Variants in DCDC2 observed in about 807,000 individuals in gnomAD.
DCDC2 encodes the protein doublecortin domain-containing protein 2.
Under a neutral mutation model 50.2 loss-of-function variants are expected in DCDC2, and 40 were observed. The ratio of observed to expected loss-of-function variants is 0.80; its 90% confidence interval spans 0.62 to 1.04. DCDC2 has a LOEUF of 1.04. Ranked by LOEUF, DCDC2 falls within the 50% of genes least tolerant of loss-of-function variation. DCDC2 has a pLI of 0.00. For missense variants in DCDC2, 570 were observed against 581.9 expected, an observed-to-expected ratio of 0.98 and a Z score of 0.21; for synonymous variants, 234 against 210.6, an observed-to-expected ratio of 1.11 and a Z score of -0.96.
At chr6:24,185,355 C>A (rs1228698480) in intron 8 of DCDC2, among the ~76,000 whole-genome samples, 1 of 152,190 alleles carries the variant, frequency 6.6e-6, no homozygotes, top group Non-Finnish European at 1.5e-5. Flanking sequence ...GAAGCCACAT[C>A]TGGTTAGTTC....
chr6:24,261,666 C>G (rs755003530), intron 7 of DCDC2, among the ~76,000 whole-genome samples: 5 of 152,078 alleles, frequency 3.3e-5, no homozygotes, highest in Non-Finnish European at 5.9e-5. Flanking sequence ...TCCTTATTGA[C>G]TTTTCTCATC....
intron 9 of DCDC2, among the ~76,000 whole-genome samples, chr6:24,178,040 G>T (rs1442698642): frequency 6.6e-6 from 1 of 152,098 alleles, no homozygotes; most frequent in Non-Finnish European, 1.5e-5. Flanking sequence ...TTCTTAGAAG[G>T]CTCTGTACAT....
chr6:24,284,209 C>A (rs187178899), intron 6 of DCDC2, among the ~76,000 whole-genome samples: 1 of 152,284 alleles, frequency 6.6e-6, no homozygotes, highest in East Asian at 1.9e-4. Flanking sequence ...GGCCACCTAG[C>A]GGACTCACCT....
rs192341566 is a variant in DCDC2, at chr6:24,174,385, T to A, written c.*345A>T. On this transcript the variant is annotated 3_prime_UTR_variant, in exon 10 of 10. Coordinates refer to ENST00000378454, the MANE Select transcript of DCDC2 (RefSeq NM_016356.5). Reference sequence around the variant, plus strand: ...CTACGCCTTCCTAGAGAAAAATTATTTAGAATAAACTGCCTTCTAAACTTA... The same window carrying A: ...CTACGCCTTCCTAGAGAAAAATTATATAGAATAAACTGCCTTCTAAACTTA... 6.2e-6 allele frequency: 1 copy of A among 160,448 alleles called. No individual in the cohort carries two copies. Among genetic ancestry groups the A allele is most frequent in the Admixed American group, 6.4e-5 (1 of 15,636 alleles). 9.9% of individuals were successfully genotyped at this position (160,448 alleles called of 1,614,324 possible). A position where few individuals can be genotyped will look rare whatever the true frequency, so the allele number is the denominator to read the frequency against.
At chr6:24,371,876 T>C in the DCDC2 span, among the ~76,000 whole-genome samples, 12 of 152,114 alleles carry the variant, frequency 7.9e-5, no homozygotes, top group African/African-American at 2.9e-4. Context: ...GAAAAAATGC[T>C]CATCATCACT....
intron 2 of DCDC2, among the ~76,000 whole-genome samples, chr6:24,318,175 A>C (rs1050819986): frequency 1.3e-5 from 2 of 148,412 alleles, no homozygotes; most frequent in East Asian, 3.8e-4. Flanking sequence ...ACCTCCAACA[A>C]ATGAGACAAA....
chr6:24,227,610 C>T (rs1762257648), intron 7 of DCDC2, among the ~76,000 whole-genome samples: 1 of 152,178 alleles, frequency 6.6e-6, no homozygotes, highest in Non-Finnish European at 1.5e-5. Flanking sequence ...GTGTTCCCTG[C>T]TCCTAGAAAT....
In DCDC2 at chr6:24,302,014, C is replaced by T. The variant is rs1157188557; in HGVS notation, c.379G>A (p.Val127Met). The T allele has an allele frequency of 1.2e-6, 2 of 1,613,922 alleles. No individual in the cohort carries two copies. The highest frequency in any genetic ancestry group is 2.2e-5 in the South Asian group (2 of 91,068). Residue 127 changes from valine to methionine, a missense_variant, in exon 3 of 10, where the codon GTG (valine) becomes ATG (methionine). By Grantham distance (21) the Val-to-Met change is conservative. Coordinates refer to ENST00000378454, the MANE Select transcript of DCDC2 (RefSeq NM_016356.5). ...VKPVIHSRIN[V>M]SARFRKPLQE... ...AGCGGTTTTCTAAAGCGAGCTGACA[C>T]GTTGATCCTGCTATGGATTACTGGT...
At chr6:24,274,332 C>T (rs1052935187) in intron 7 of DCDC2, among the ~76,000 whole-genome samples, 6 of 152,030 alleles carry the variant, frequency 3.9e-5, no homozygotes, top group Admixed American at 3.3e-4. Flanking sequence ...CTGTTTTGGT[C>T]ATAGTGGAGA....
At chr6:24,220,911 T>TGAGCGAGC (rs1184828335) in intron 7 of DCDC2, among the ~76,000 whole-genome samples, 1 of 125,402 alleles carries the variant, frequency 8.0e-6, no homozygotes, top group East Asian at 2.5e-4. Flanking sequence ...AGCGAGAGAG[T>TGAGCGAGC]GAGCGAGCGA....
upstream of DCDC2, among the ~76,000 whole-genome samples, chr6:24,361,009 C>A (rs932469865): frequency 6.6e-6 from 1 of 152,134 alleles, no homozygotes; most frequent in Non-Finnish European, 1.5e-5. Context: ...ATTCCACAAG[C>A]TCCATAACCA....
At chr6:24,300,718 A>T (rs1423253864) in intron 4 of DCDC2, among the ~76,000 whole-genome samples, 1 of 152,238 alleles carries the variant, frequency 6.6e-6, no homozygotes, top group Non-Finnish European at 1.5e-5. Context: ...CAAACACTTG[A>T]AACAGTGTAC....
intron 9 of DCDC2, among the ~76,000 whole-genome samples, chr6:24,177,761 A>G (rs1760956581): frequency 6.6e-6 from 1 of 152,160 alleles, no homozygotes; most frequent in Non-Finnish European, 1.5e-5. Context: ...TTCACCACAT[A>G]TTTCTTTATC....
At chr6:24,236,043 A>T (rs1354012184) in intron 7 of DCDC2, among the ~76,000 whole-genome samples, 4 of 152,192 alleles carry the variant, frequency 2.6e-5, no homozygotes, top group Non-Finnish European at 5.9e-5. Flanking sequence ...TTTAGACTCA[A>T]TGCCATTTCT....
chr6:24,180,354 T>G (rs1006748870), intron 8 of DCDC2, among the ~76,000 whole-genome samples: 6 of 152,018 alleles, frequency 3.9e-5, no homozygotes, highest in Non-Finnish European at 7.4e-5. Flanking sequence ...GTGCGATCTC[T>G]GCTCACTGCA....
chr6:24,344,985 A>G lies in DCDC2; in HGVS notation c.348+8584T>C, dbSNP rs74726740. Among the ~76,000 whole-genome samples the G allele has an allele frequency of 4.8e-3, 725 of 152,262 alleles. 8 individuals carry two copies. The highest frequency in any genetic ancestry group is 7.9e-3 in the South Asian group (38 of 4,822). On this transcript the variant is annotated intron_variant, in intron 2 of 9. Coordinates refer to ENST00000378454, the MANE Select transcript of DCDC2 (RefSeq NM_016356.5). ...GGAAGAATTTGCAAAAGTGTGTTTT[A>G]TTTTCTTTGATTCTTTCATAAATTA...
intron 7 of DCDC2, among the ~76,000 whole-genome samples, chr6:24,230,466 A>AC (rs1468680648): frequency 1.3e-5 from 2 of 151,602 alleles, no homozygotes; most frequent in Non-Finnish European, 3.0e-5. Flanking sequence ...ACACAGTGAG[A>AC]CCCCGCCACT....
intron 7 of DCDC2, among the ~76,000 whole-genome samples, chr6:24,256,278 T>TG (rs1561745642): frequency 6.6e-6 from 1 of 151,552 alleles, no homozygotes; most frequent in Non-Finnish European, 1.5e-5. Context: ...CTGGACATTT[T>TG]TTTTTTTTTT....
intron 7 of DCDC2, among the ~76,000 whole-genome samples, chr6:24,224,332 G>A (rs753055255): frequency 1.3e-5 from 2 of 152,146 alleles, no homozygotes; most frequent in African/African-American, 4.8e-5. Flanking sequence ...AGAGCCCTGC[G>A]CTTCAAAAGG....
Sources: gnomAD v4.1 joint callset for allele counts (sites outside exome capture counted in the v4.1 genomes callset) on GRCh38, gnomAD v4.1.1 for gene constraint, MANE v1.5 for transcripts, NCBI Gene and HGNC (gene_info 2026-07-23, HGNC 2026-07-21) for gene names.